SMAD1: variants seen among roughly 807,000 people sequenced by gnomAD.
SMAD1 encodes the protein SMAD family member 1.
In SMAD1, 6 loss-of-function variants were observed where a neutral mutation model predicts 41.6. The ratio of observed to expected loss-of-function variants is 0.14; its 90% confidence interval spans 0.08 to 0.28. The LOEUF (loss-of-function observed/expected upper bound fraction) is 0.28. SMAD1 is among the 10% of genes least tolerant of loss of function. The pLI, the probability that SMAD1 is intolerant of heterozygous loss-of-function variation, is 1.00. For synonymous variants in SMAD1, 206 were observed against 203.2 expected, an observed-to-expected ratio of 1.01 and a Z score of -0.12; for missense variants, 379 against 582.6, an observed-to-expected ratio of 0.65 and a Z score of 3.60.
At chr4:145,531,297 T>G (rs1731308096) in intron 2 of SMAD1, among the ~76,000 whole-genome samples, 1 of 152,240 alleles carries the variant, frequency 6.6e-6, no homozygotes, top group African/African-American at 2.4e-5. Context: ...CGGCACTTCC[T>G]ACTTGAAGTG....
At chr4:145,481,663 C>A (rs1728174896), upstream of SMAD1, 1 of 154,872 alleles carries the variant, frequency 6.5e-6, no homozygotes, top group South Asian at 1.8e-4. Context: ...GTCCTCCGGC[C>A]CCGGCCGCGC....
intron 3 of SMAD1, 107 bp downstream of exon 3, chr4:145,540,168 G>T (rs952765567): frequency 1.6e-5 from 20 of 1,289,728 alleles, no homozygotes; most frequent in Non-Finnish European, 2.0e-5. Context: ...TTCAGCCCTG[G>T]TATATGACAT....
At position 145,554,081 on chromosome 4, in the gene SMAD1, T is replaced by C. The variant is rs911936204; in HGVS notation, c.1254+41T>C. The C allele has an allele frequency of 2.6e-6, 4 of 1,534,658 alleles. No individual in the cohort carries two copies. The Admixed American group carries it at 8.4e-5, about 32-fold the overall frequency. ...CTCCTCCATTTAGGGCCTAACATAC[T>C]TTTGCTGTGCTTTTTTTTTTTTTTT... On this transcript the variant is annotated intron_variant, in intron 6 of 6. Coordinates refer to ENST00000302085, the MANE Select transcript of SMAD1 (RefSeq NM_005900.3).
At chr4:145,511,956 C>CG (rs1405989681) in intron 1 of SMAD1, among the ~76,000 whole-genome samples, 2 of 152,134 alleles carry the variant, frequency 1.3e-5, no homozygotes, top group East Asian at 3.8e-4. Context: ...TGCTGTAAAC[C>CG]AGTTCTCTCA....
chr4:145,491,143 A>C (rs1270997073), intron 1 of SMAD1, among the ~76,000 whole-genome samples: 1 of 152,232 alleles, frequency 6.6e-6, no homozygotes. Flanking sequence ...CTCAAAAACA[A>C]AACCTGAAAG....
In SMAD1 at chr4:145,527,244, G is replaced by A. The variant is rs1347662877; in HGVS notation, c.400+12231G>A. 1.4e-5 allele frequency among the ~76,000 whole-genome samples: 2 copies of A among 145,462 alleles called. 1 individual carries two copies. The highest frequency in any genetic ancestry group is 1.4e-4 in the Admixed American group (2 of 14,428). On this transcript the variant is annotated intron_variant, in intron 2 of 6. Transcript: ENST00000302085. ...ATTTAATTCTTTTTTTTTTTTTTGA[G>A]ACGGAGTCTTGCTCTGTCGCCCAGG...
In SMAD1 at chr4:145,554,015, G is replaced by A; in HGVS notation, c.1229G>A (p.Cys410Tyr). The change falls in exon 6 of 7, where the codon TGT becomes TAT. Residue 410 changes from cysteine (C) to tyrosine (Y), a missense_variant. By Grantham distance (194) the Cys-to-Tyr change is radical (BLOSUM62 -2). Coordinates refer to ENST00000302085, the MANE Select transcript of SMAD1 (RefSeq NM_005900.3). Reference sequence around the variant, plus strand: ...ACAGTCTATGAGCTTACAAAAATGTGTACTATACGTATGAGCTTTGTGAAG... The same window carrying A: ...ACAGTCTATGAGCTTACAAAAATGTATACTATACGTATGAGCTTTGTGAAG... ...FETVYELTKMCTIRMSFVKGW... is the reference protein window; with the variant it reads ...FETVYELTKMYTIRMSFVKGW... The A allele has an allele frequency of 6.2e-7, 1 of 1,612,818 alleles. No homozygotes were observed. Among genetic ancestry groups the A allele is most frequent in the Non-Finnish European group, 8.5e-7 (1 of 1,179,748 alleles).
intron 1 of SMAD1, among the ~76,000 whole-genome samples, chr4:145,495,060 TG>T (rs1728990567): frequency 6.6e-6 from 1 of 152,158 alleles, no homozygotes; most frequent in South Asian, 2.1e-4. Context: ...AGAGGAAAAG[TG>T]GCAGAATAGA....
At chr4:145,483,830 A>G (rs1728327024) in intron 1 of SMAD1, among the ~76,000 whole-genome samples, 1 of 152,218 alleles carries the variant, frequency 6.6e-6, no homozygotes, top group South Asian at 2.1e-4. Context: ...TTTGACCCCT[A>G]CAACCATAGG....
chr4:145,542,823 A>T, intron 4 of SMAD1, 125 bp downstream of exon 4: 1 of 608,128 alleles, frequency 1.6e-6, no homozygotes, highest in South Asian at 2.3e-5. Context: ...GTCCAATGTT[A>T]AGAGAAGCTC....
Position 145,557,776 on chromosome 4 carries a change from G to C in SMAD1, c.1255-15G>C. On this transcript the variant is annotated splice_polypyrimidine_tract_variant and intron_variant, in intron 6 of 6. Transcript: ENST00000302085. The stretch of plus-strand genomic sequence containing the variant: ...AGTTAAACAAGTTAAATGACCTCCA[G>C]TATGTTTTTCCTAGGGCTGGGGAGC... 6.3e-7 allele frequency: 1 copy of C among 1,596,550 alleles called. No homozygotes were observed. Among genetic ancestry groups the C allele is most frequent in the South Asian group, 1.1e-5 (1 of 88,370 alleles).
rs566762240 is a variant in SMAD1, at chr4:145,507,741, T to G, written c.-176-6697T>G. On this transcript the variant is annotated intron_variant, in intron 1 of 6. Transcript: ENST00000302085. ...GGGAAGGAAATCTCTGTTTGCTGAC[T>G]CATGTTTTTATTTTGCACTTTAAAC... Among the ~76,000 whole-genome samples, 4 of 152,190 alleles carry G rather than the reference T, an allele frequency of 2.6e-5. No individual in the cohort carries two copies. In the South Asian group the frequency reaches 8.3e-4, roughly 32 times the overall value.
chr4:145,511,181 T>C (rs1017284239), intron 1 of SMAD1, among the ~76,000 whole-genome samples: 1 of 152,256 alleles, frequency 6.6e-6, no homozygotes, highest in Non-Finnish European at 1.5e-5. Context: ...TATATTTAAG[T>C]AATTGCTTAT....
chr4:145,528,090 CACAT>C (rs909813443), intron 2 of SMAD1, among the ~76,000 whole-genome samples: 7 of 147,052 alleles, frequency 4.8e-5, no homozygotes, highest in African/African-American at 1.3e-4. Flanking sequence ...CACACACACA[CACAT>C]ACACACACAT....
At chr4:145,524,326 T>G (rs563675027) in intron 2 of SMAD1, among the ~76,000 whole-genome samples, 1 of 152,362 alleles carries the variant, frequency 6.6e-6, no homozygotes, top group Middle Eastern at 3.4e-3. Context: ...ATTTTAATTT[T>G]TTTTTTCTTT....
At position 145,546,718 on chromosome 4, in the gene SMAD1, C is replaced by G; in HGVS notation, c.791C>G (p.Ala264Gly). Reference protein sequence around the residue: ...EINRGDVQAVAYEEPKHWCSI... With the variant: ...EINRGDVQAVGYEEPKHWCSI... The stretch of plus-strand genomic sequence containing the variant: ...TTTCCTCTAGATGTTCAGGCGGTTG[C>G]TTATGAGGAACCAAAACACTGGTGC... The change falls in exon 5 of 7, where the codon GCT (alanine) becomes GGT (glycine). Residue 264 changes from alanine (A) to glycine (G), a missense_variant. Physicochemically the swap from Ala to Gly is moderately conservative, Grantham distance 60 (BLOSUM62 0). This residue lies in a region of SMAD1 where 208 missense variants were observed against 210.5 expected (regional missense o/e 0.99). Coordinates refer to ENST00000302085, the MANE Select transcript of SMAD1 (RefSeq NM_005900.3). 1 of 1,612,976 alleles carries G rather than the reference C, an allele frequency of 6.2e-7. No homozygotes were observed. Among genetic ancestry groups the G allele is most frequent in the Non-Finnish European group, 8.5e-7 (1 of 1,179,730 alleles).
Position 145,514,534 on chromosome 4 carries a change from C to T in SMAD1, c.-80C>T. The T allele has an allele frequency of 1.5e-6, 2 of 1,321,090 alleles. No homozygotes were observed. The highest frequency in any genetic ancestry group is 4.7e-5 in the East Asian group (2 of 42,880). 81.8% of individuals were successfully genotyped at this position (1,321,090 alleles called of 1,614,324 possible). A position where few individuals can be genotyped will look rare whatever the true frequency, so the allele number is the denominator to read the frequency against. ...TTAAAGAGACTTCTCTGTAAATAAA[C>T]AAATCTCTTCTGCTGTCCTTTTGCA... On this transcript the variant is annotated 5_prime_UTR_variant, in exon 2 of 7. Transcript: ENST00000302085. The surrounding 1 kb of genome is among the most constrained non-coding windows in gnomAD (Gnocchi z 4.7).
chr4:145,493,441 T>A (rs1728885757), intron 1 of SMAD1, among the ~76,000 whole-genome samples: 1 of 151,962 alleles, frequency 6.6e-6, no homozygotes, highest in Non-Finnish European at 1.5e-5. Flanking sequence ...TTCATGTGTT[T>A]ATGTTTGTGT....
chr4:145,501,198 T>TG (rs1729416202), intron 1 of SMAD1, among the ~76,000 whole-genome samples: 1 of 152,220 alleles, frequency 6.6e-6, no homozygotes, highest in Admixed American at 6.5e-5. Context: ...TTCCTGACAA[T>TG]GACAGATCAA....
Sources: allele counts gnomAD v4.1 joint callset (sites outside exome capture counted in the v4.1 genomes callset), GRCh38; gene constraint gnomAD v4.1.1; regional missense constraint gnomAD v4.1.1; non-coding constraint Gnocchi (gnomAD v3.1); transcripts MANE v1.5; gene names NCBI Gene and HGNC (gene_info 2026-07-23, HGNC 2026-07-21).